NEBL: variants seen among roughly 807,000 people sequenced by gnomAD.
NEBL encodes nebulette.
A neutral mutation model predicts 140.2 loss-of-function variants in NEBL; 122 were observed. That is an observed-to-expected ratio of 0.87 (90% CI 0.75 to 1.01). The LOEUF (loss-of-function observed/expected upper bound fraction) is 1.01, where lower values mean the gene tolerates loss of function less well. Among genes scored for constraint, NEBL ranks in the 50% least tolerant of loss-of-function variants. The pLI is 0.00. For synonymous variants in NEBL, 436 were observed against 398.9 expected, an observed-to-expected ratio of 1.09 and a Z score of -1.11; for missense variants, 1,365 against 1,231.3, an observed-to-expected ratio of 1.11 and a Z score of -1.62.
intron 3 of NEBL, among the ~76,000 whole-genome samples, chr10:21,199,817 A>G (rs1048101960): frequency 1.3e-5 from 2 of 152,164 alleles, no homozygotes; most frequent in Non-Finnish European, 2.9e-5. Flanking sequence ...GAATTTTTTG[A>G]CAACTGGCTG....
Position 20,858,665 on chromosome 10 carries a change from A to G in NEBL, c.799-321T>C, listed in dbSNP as rs1219235401. Among the ~76,000 whole-genome samples, 8 of 152,356 alleles carry G rather than the reference A, an allele frequency of 5.3e-5. No individual in the cohort carries two copies. The East Asian group carries it at 1.5e-3, about 29-fold the overall frequency. On this transcript the variant is annotated intron_variant, in intron 8 of 27. Coordinates refer to ENST00000377122, the MANE Select transcript of NEBL (RefSeq NM_006393.3). Reference sequence around the variant, plus strand: ...ATAGCCACTTTATTCTTTAGAAATTACTACAGTATTTCAACTATGCTTTGT... The same window carrying G: ...ATAGCCACTTTATTCTTTAGAAATTGCTACAGTATTTCAACTATGCTTTGT...
At chr10:20,852,754 A>C in intron 9 of NEBL, 105 bp from the exon 10 acceptor site, 1 of 1,027,762 alleles carries the variant, frequency 9.7e-7, no homozygotes, top group Non-Finnish European at 1.5e-6. Flanking sequence ...AGAGCTGCAA[A>C]GCTGTTGCCA....
chr10:20,921,925 G>T (rs1386693343), intron 4 of NEBL, among the ~76,000 whole-genome samples: 2 of 152,094 alleles, frequency 1.3e-5, no homozygotes, highest in Non-Finnish European at 2.9e-5. Context: ...AAAAATATGT[G>T]TGAACATATA....
At chr10:20,810,214 A>G (rs1295738744) in intron 24 of NEBL, among the ~76,000 whole-genome samples, 1 of 152,188 alleles carries the variant, frequency 6.6e-6, no homozygotes, top group Non-Finnish European at 1.5e-5. Flanking sequence ...TGGGGCAGCT[A>G]TATGCATCCC....
In NEBL at chr10:21,017,477, C is replaced by T. The variant is rs114792331; in HGVS notation, c.249+2640G>A. 7.0e-3 allele frequency among the ~76,000 whole-genome samples: 1,069 copies of T among 152,228 alleles called. 7 individuals are homozygous for T. Among genetic ancestry groups the T allele is most frequent in the African/African-American group, 0.025 (1,028 of 41,540 alleles). On this transcript the variant is annotated intron_variant, in intron 3 of 6. Transcript: ENST00000417816. ...CGATCCCACAGATCTTTGGACATCT[C>T]GCCATTAGCTCTTGTCCCACCAGCC... is the stretch of plus-strand genomic sequence containing the variant.
At chr10:21,091,329 T>C (rs1049011113) in intron 2 of NEBL, among the ~76,000 whole-genome samples, 2 of 152,136 alleles carry the variant, frequency 1.3e-5, no homozygotes, top group Non-Finnish European at 2.9e-5. Flanking sequence ...CTCATTTTCC[T>C]CAAAAATCTT....
At chr10:21,225,392 C>G (rs1054671087) in intron 3 of NEBL, among the ~76,000 whole-genome samples, 1 of 152,096 alleles carries the variant, frequency 6.6e-6, no homozygotes, top group African/African-American at 2.4e-5. Flanking sequence ...GCCTGACTAC[C>G]GCCTATGTTC....
At chr10:21,068,133 C>A (rs922551209) in intron 2 of NEBL, among the ~76,000 whole-genome samples, 1 of 152,178 alleles carries the variant, frequency 6.6e-6, no homozygotes, top group Non-Finnish European at 1.5e-5. Context: ...CTCCATGATT[C>A]TACACTTTAC....
chr10:21,254,495 G>A (rs1842629478), intron 1 of NEBL, among the ~76,000 whole-genome samples: 1 of 151,942 alleles, frequency 6.6e-6, no homozygotes, highest in Admixed American at 6.6e-5. Flanking sequence ...CCAGGCTAGA[G>A]TGCAGTGGCA....
chr10:21,150,728 A>G (rs1840104676), intron 2 of NEBL, among the ~76,000 whole-genome samples: 1 of 152,224 alleles, frequency 6.6e-6, no homozygotes, highest in African/African-American at 2.4e-5. Flanking sequence ...TACAAAAGTC[A>G]CACCCGAAGC....
intron 5 of NEBL, among the ~76,000 whole-genome samples, chr10:20,880,082 G>A (rs1399493756): frequency 6.6e-6 from 1 of 152,174 alleles, no homozygotes; most frequent in Non-Finnish European, 1.5e-5. Context: ...GAAACAATAG[G>A]CCAGGCACGG....
intron 22 of NEBL, 94 bp from the exon 23 acceptor site, chr10:20,814,137 C>G: frequency 1.2e-6 from 1 of 807,396 alleles, no homozygotes; most frequent in Admixed American, 1.9e-5. Context: ...ATGCAACATA[C>G]TTGAAATTAT....
chr10:20,948,608 G>A (rs1835291813), intron 4 of NEBL, among the ~76,000 whole-genome samples: 2 of 152,166 alleles, frequency 1.3e-5, no homozygotes. Context: ...ATGGTTAACT[G>A]CCAACAGACA....
intron 1 of NEBL, among the ~76,000 whole-genome samples, chr10:21,279,741 G>C (rs1453519615): frequency 7.0e-6 from 1 of 143,356 alleles, no homozygotes; most frequent in Non-Finnish European, 1.5e-5. Context: ...CTGGGTGACA[G>C]AGCCAGAATC....
intron 3 of NEBL, among the ~76,000 whole-genome samples, chr10:21,187,049 A>T (rs984237410): frequency 2.0e-5 from 3 of 150,432 alleles, no homozygotes; most frequent in Admixed American, 1.3e-4. Context: ...TATATGTAAT[A>T]AGTTTTTATT....
intron 3 of NEBL, among the ~76,000 whole-genome samples, chr10:20,974,806 G>A (rs756108104): frequency 3.9e-5 from 6 of 152,056 alleles, no homozygotes; most frequent in Non-Finnish European, 8.8e-5. Context: ...AAAGTGTGTA[G>A]GTTAATTTGC....
chr10:21,106,643 T>A (rs1474329407), intron 2 of NEBL, among the ~76,000 whole-genome samples: 1 of 152,198 alleles, frequency 6.6e-6, no homozygotes, highest in Non-Finnish European at 1.5e-5. Context: ...TTGTTCTTTT[T>A]GCTTAGGATT....
At chr10:20,977,030 T>C (rs1836834399) in intron 3 of NEBL, among the ~76,000 whole-genome samples, 1 of 152,098 alleles carries the variant, frequency 6.6e-6, no homozygotes, top group Non-Finnish European at 1.5e-5. Flanking sequence ...GAAGAGATAC[T>C]GGCATTAATA....
chr10:21,291,658 T>C (rs1409849962), intron 1 of NEBL, among the ~76,000 whole-genome samples: 1 of 152,000 alleles, frequency 6.6e-6, no homozygotes. Flanking sequence ...CTCACACCTG[T>C]AATCCCAGCA....
Sources: gnomAD v4.1 joint callset for allele counts (sites outside exome capture counted in the v4.1 genomes callset) on GRCh38, gnomAD v4.1.1 for gene constraint, MANE v1.5 for transcripts, NCBI Gene and HGNC (gene_info 2026-07-23, HGNC 2026-07-21) for gene names.